ANKRD10: variants seen among roughly 807,000 people sequenced by gnomAD.
ANKRD10 encodes ankyrin repeat domain-containing protein 10.
ANKRD10 carries 14 observed loss-of-function variants against 27.0 expected under a neutral mutation model. The ratio of observed to expected loss-of-function variants is 0.52; its 90% CI spans 0.34 to 0.81. The LOEUF (loss-of-function observed/expected upper bound fraction) is 0.81. ANKRD10 is among the 40% of genes least tolerant of loss of function. The pLI is 0.01. For missense variants in ANKRD10, 493 were observed against 544.0 expected (o/e 0.91, Z 0.93); for synonymous variants, 250 against 224.5 (o/e 1.11, Z -1.01).
intron 5 of ANKRD10, among the ~76,000 whole-genome samples, chr13:110,880,677 TCTC>T (rs2064799675): frequency 1.3e-5 from 2 of 152,196 alleles, no homozygotes; most frequent in South Asian, 4.1e-4. Flanking sequence ...CTCTTGACCC[TCTC>T]CTAAGTCTCA....
chr13:110,901,810 G>A (rs1464314699), intron 3 of ANKRD10, among the ~76,000 whole-genome samples: 1 of 152,162 alleles, frequency 6.6e-6, no homozygotes, highest in South Asian at 2.1e-4. Flanking sequence ...GGAGGCCAAG[G>A]TGGAAGGACT....
intron 2 of ANKRD10, among the ~76,000 whole-genome samples, chr13:110,909,861 A>G (rs1283787276): frequency 6.6e-6 from 1 of 152,196 alleles, no homozygotes; most frequent in Non-Finnish European, 1.5e-5. Context: ...AGATAGGAGT[A>G]AAAAAGGCAT....
At chr13:110,902,287 A>G (rs969846634) in intron 3 of ANKRD10, among the ~76,000 whole-genome samples, 1 of 152,218 alleles carries the variant, frequency 6.6e-6, no homozygotes, top group African/African-American at 2.4e-5. Context: ...TCACAAATGA[A>G]TTTAACACTA....
intron 3 of ANKRD10, 139 bp from the exon 4 acceptor site, chr13:110,893,402 A>T: frequency 1.3e-6 from 1 of 767,338 alleles, no homozygotes; most frequent in East Asian, 2.7e-5. Flanking sequence ...AGAAGTAGTT[A>T]ATCAATCTAG....
At chr13:110,884,201 C>T (rs2064872268) in intron 4 of ANKRD10, among the ~76,000 whole-genome samples, 1 of 142,822 alleles carries the variant, frequency 7.0e-6, no homozygotes, top group Non-Finnish European at 1.6e-5. Flanking sequence ...TAAAAAAATC[C>T]ACTATTTCCA....
intron 1 of ANKRD10, among the ~76,000 whole-genome samples, chr13:110,914,115 G>A (rs2065804652): frequency 6.6e-6 from 1 of 152,214 alleles, no homozygotes; most frequent in Admixed American, 6.5e-5. Context: ...AAGCTGGAGA[G>A]CCGGCCTCCA....
chr13:110,881,494 T>C (rs2064817869), intron 5 of ANKRD10, among the ~76,000 whole-genome samples: 1 of 150,806 alleles, frequency 6.6e-6, no homozygotes, highest in East Asian at 2.0e-4. Flanking sequence ...CAACATAGTT[T>C]AATAATTGCT....
At chr13:110,898,753 T>TC (rs2065299312) in intron 3 of ANKRD10, among the ~76,000 whole-genome samples, 1 of 41,554 alleles carries the variant, frequency 2.4e-5, no homozygotes, top group Non-Finnish European at 9.2e-5. Context: ...TTCTTTTCTT[T>TC]TTTTTTTTTT....
intron 4 of ANKRD10, among the ~76,000 whole-genome samples, chr13:110,888,446 T>C (rs2064991681): frequency 6.6e-6 from 1 of 152,226 alleles, no homozygotes; most frequent in Middle Eastern, 3.4e-3. Context: ...GTGTGTTCTA[T>C]CATCCTGGCC....
chr13:110,901,864 G>T (rs529477200), intron 3 of ANKRD10, among the ~76,000 whole-genome samples: 5 of 152,160 alleles, frequency 3.3e-5, no homozygotes, highest in East Asian at 1.9e-4. Context: ...AACACAGCAA[G>T]ACCCCATCTC....
At chr13:110,888,426 A>C (rs2064991173) in intron 4 of ANKRD10, among the ~76,000 whole-genome samples, 1 of 152,010 alleles carries the variant, frequency 6.6e-6, no homozygotes, top group Non-Finnish European at 1.5e-5. Context: ...ATTTGAACAC[A>C]ATTAGGTAGG....
intron 5 of ANKRD10, 124 bp downstream of exon 5, chr13:110,883,574 G>T: frequency 6.9e-7 from 1 of 1,440,294 alleles, no homozygotes; most frequent in African/African-American, 1.4e-5. Context: ...ACGACAGGGG[G>T]TCTGCATTGC....
intron 1 of ANKRD10, 35 bp downstream of exon 1, chr13:110,914,690 C>T: frequency 6.5e-7 from 1 of 1,536,270 alleles, no homozygotes. Flanking sequence ...ACTGGACAGC[C>T]GGGGAAAATG....
chr13:110,890,871 G>A (rs2065056352), intron 4 of ANKRD10, among the ~76,000 whole-genome samples: 1 of 152,122 alleles, frequency 6.6e-6, no homozygotes, highest in African/African-American at 2.4e-5. Flanking sequence ...CCTTCTAAAG[G>A]AAGAAAATAA....
intron 2 of ANKRD10, 125 bp from the exon 3 acceptor site, chr13:110,906,249 G>T: frequency 2.8e-6 from 2 of 719,900 alleles, no homozygotes; most frequent in Non-Finnish European, 4.5e-6. Context: ...TGTTGAGCAA[G>T]ATCTGAAGCA....
At chr13:110,914,521 C>T (rs2138911725) in intron 1 of ANKRD10, 2 of 613,792 alleles carry the variant, frequency 3.3e-6, no homozygotes, top group Admixed American at 4.6e-5. Context: ...GCTTCCGCCC[C>T]GCGCCCCCCG....
chr13:110,879,864 C>T lies in ANKRD10; in HGVS notation c.1036G>A (p.Gly346Ser), dbSNP rs1159639662. 1.9e-6 allele frequency: 3 copies of T among 1,614,108 alleles called. No homozygotes were observed. The highest frequency in any genetic ancestry group is 4.5e-5 in the East Asian group (2 of 44,896). ...GGACTCCCGTTCAGGTGCAGAGAAC[C>T]GCACAACTCAGGGTTAGCTCTCAGG... Reference protein sequence around the residue: ...KTLRANPELCGSLHLNGSPSS... With the variant: ...KTLRANPELCSSLHLNGSPSS... Residue 346 changes from glycine to serine, a missense_variant, in exon 6 of 6, where the codon GGT becomes AGT. Transcript: ENST00000267339.
intron 1 of ANKRD10, among the ~76,000 whole-genome samples, chr13:110,912,187 T>C (rs1028123085): frequency 1.3e-5 from 2 of 152,240 alleles, no homozygotes; most frequent in African/African-American, 2.4e-5. Flanking sequence ...CCAATCACAA[T>C]GCAGTTAGGG....
Position 110,879,680 on chromosome 13 carries a change from T to C in ANKRD10, c.1220A>G (p.Asp407Gly), listed in dbSNP as rs765217398. 3.1e-6 allele frequency: 5 copies of C among 1,613,930 alleles called. No individual in the cohort carries two copies. The South Asian group carries it at 4.4e-5, about 14-fold the overall frequency. Residue 407 changes from aspartate (D) to glycine (G), a missense_variant, in exon 6 of 6, where the codon GAC (aspartate) becomes GGC (glycine). By Grantham distance (94) the Asp-to-Gly change is moderately conservative. Transcript: ENST00000267339. ...GTGCATGGTGCCCAGCACGGCACTG[T>C]CGTACCGCTCCTGCACCTTCACGGA... Reference protein sequence around the residue: ...SKSVKVQERYDSAVLGTMHLH... With the variant: ...SKSVKVQERYGSAVLGTMHLH...
Sources: allele counts gnomAD v4.1 joint callset (sites outside exome capture counted in the v4.1 genomes callset), GRCh38; gene constraint gnomAD v4.1.1; transcripts MANE v1.5; gene names NCBI Gene and HGNC (gene_info 2026-07-23, HGNC 2026-07-21).